The following ELFN2 variants were observed in gnomAD, a reference collection of about 807,000 sequenced individuals.
ELFN2 encodes the protein protein phosphatase 1 regulatory subunit 29.
Under a neutral mutation model 45.5 loss-of-function variants are expected in ELFN2, and 17 were observed. The observed-to-expected ratio is 0.37, with a 90% CI of 0.26 to 0.56. The LOEUF is 0.56. Among genes scored for constraint, ELFN2 ranks in the 20% least tolerant of loss-of-function variants. ELFN2 has a pLI of 0.77. For missense variants in ELFN2, 922 were observed against 1,183.2 expected (o/e 0.78, Z 3.24); for synonymous variants, 550 against 551.5 (o/e 1.00, Z 0.04).
chr22:37,380,974 C>T (rs1419189638), intron 2 of ELFN2, among the ~76,000 whole-genome samples: 4 of 152,134 alleles, frequency 2.6e-5, no homozygotes, highest in South Asian at 2.1e-4. Context: ...GGTAAGTTAA[C>T]TTTTTGGATT....
At chr22:37,412,508 A>G (rs1031743776) in intron 2 of ELFN2, among the ~76,000 whole-genome samples, 1 of 151,936 alleles carries the variant, frequency 6.6e-6, no homozygotes, top group African/African-American at 2.4e-5. Context: ...CTCTGCCCCA[A>G]GGGGCCAAGC....
chr22:37,381,246 G>A lies in ELFN2; in HGVS notation c.-462-5250C>T, dbSNP rs564263666. ...AGAAGACAGAGGCTCTCTCCTCCCC[G>A]GCTTCCCTCCAAAGGGCTGGGACCA... On this transcript the variant is annotated intron_variant, in intron 2 of 2. Coordinates refer to ENST00000402918, the MANE Select transcript of ELFN2 (RefSeq NM_052906.5). 5.3e-5 allele frequency among the ~76,000 whole-genome samples: 8 copies of A among 152,198 alleles called. No homozygotes were observed. In the East Asian group the frequency reaches 5.8e-4, roughly 11 times the overall value.
chr22:37,413,734 T>A (rs1932711493), intron 2 of ELFN2, among the ~76,000 whole-genome samples: 1 of 152,162 alleles, frequency 6.6e-6, no homozygotes, highest in Non-Finnish European at 1.5e-5. Context: ...AGTAGTTAGG[T>A]AATATGCCTG....
Position 37,387,485 on chromosome 22 carries a change from G to A in ELFN2, c.-462-11489C>T, listed in dbSNP as rs559914257. On this transcript the variant is annotated intron_variant, in intron 2 of 2. Transcript: ENST00000402918. ...CACCTTCCCCCTCTGTAGCCTCCTC[G>A]TCCTCCTCAGGAGGGTAAGGGACAG... Among the ~76,000 whole-genome samples the A allele has an allele frequency of 2.5e-4, 38 of 150,916 alleles. No homozygotes were observed. The South Asian group carries it at 2.9e-3, about 12-fold the overall frequency.
At chr22:37,394,060 C>T (rs4821662) in intron 2 of ELFN2, among the ~76,000 whole-genome samples, 31,005 of 152,134 alleles carry the variant, frequency 0.2, 3,451 homozygotes, top group South Asian at 0.38. Flanking sequence ...GCTGCCACCT[C>T]GTACAGATGC....
At chr22:37,401,668 G>GGCCACCGCCCTAGGAGGC in intron 2 of ELFN2, among the ~76,000 whole-genome samples, 1 of 152,190 alleles carries the variant, frequency 6.6e-6, no homozygotes, top group East Asian at 1.9e-4. Context: ...CGAGCCTGGG[G>GGCCACCGCCCTAGGAGGC]GCCACCGCCC....
In ELFN2 at chr22:37,357,535, A is replaced by T. The variant is rs972865591; in HGVS notation, n.149-14832T>A. 3.4e-4 allele frequency among the ~76,000 whole-genome samples: 52 copies of T among 152,116 alleles called. 2 individuals are homozygous for T. Among genetic ancestry groups the T allele is most frequent in the Admixed American group, 2.4e-3 (36 of 15,282 alleles). Reference sequence around the variant, plus strand: ...TTACTGATTTTTAGCCACACTTCTTATGGGGAACTCACTACACTTCCCAAA... The same window carrying T: ...TTACTGATTTTTAGCCACACTTCTTTTGGGGAACTCACTACACTTCCCAAA... On this transcript the variant is annotated intron_variant and non_coding_transcript_variant, in intron 1 of 2. Coordinates refer to ENST00000452946, the Ensembl canonical transcript of ELFN2.
intron 2 of ELFN2, among the ~76,000 whole-genome samples, chr22:37,386,357 C>T (rs1022656966): frequency 6.6e-6 from 1 of 152,188 alleles, no homozygotes; most frequent in Non-Finnish European, 1.5e-5. Flanking sequence ...GGGACACCTG[C>T]CTGCTACGCC....
chr22:37,369,063 G>A lies in ELFN2; in HGVS notation c.*4009C>T, dbSNP rs1156360737. 8 of 152,090 alleles carry A rather than the reference G, an allele frequency of 5.3e-5. No homozygotes were observed. In the East Asian group the frequency reaches 1.5e-3, roughly 29 times the overall value. The allele number at this position is 152,090 out of a possible 1,614,324, so 9.4% of individuals were successfully genotyped here. On this transcript the variant is annotated 3_prime_UTR_variant, in exon 3 of 3. Coordinates refer to ENST00000402918, the MANE Select transcript of ELFN2 (RefSeq NM_052906.5). ...GTGTCTTATCCCTTCCCTGCACTTA[G>A]GCCCCTTATAAGCTAGGACCTGTCA...
At chr22:37,387,223 C>T (rs1931971019) in intron 2 of ELFN2, among the ~76,000 whole-genome samples, 1 of 152,120 alleles carries the variant, frequency 6.6e-6, no homozygotes, top group Non-Finnish European at 1.5e-5. Context: ...ATAGCCTGCT[C>T]CCACCCCCAC....
intron 1 of ELFN2, among the ~76,000 whole-genome samples, chr22:37,423,348 C>G (rs965253969): frequency 6.6e-6 from 1 of 152,158 alleles, no homozygotes; most frequent in Non-Finnish European, 1.5e-5. Context: ...GTCACTGCAC[C>G]CATTTACAGA....
chr22:37,375,378 T>C lies in ELFN2; in HGVS notation c.157A>G (p.Ile53Val). The C allele has an allele frequency of 6.2e-7, 1 of 1,614,136 alleles. No individual in the cohort carries two copies. Residue 53 changes from isoleucine to valine, a missense_variant, in exon 3 of 3, where the codon ATC (isoleucine) becomes GTC (valine). Physicochemically the swap from Ile to Val is conservative, Grantham distance 29 (BLOSUM62 3). This residue lies in a region of ELFN2 where 358 missense variants were observed against 540.4 expected (regional missense o/e 0.66). Coordinates refer to ENST00000402918, the MANE Select transcript of ELFN2 (RefSeq NM_052906.5). ...QPPYETIPQHINSTVHDLRLN... is the reference protein window; with the variant it reads ...QPPYETIPQHVNSTVHDLRLN... ...CGCAGGTCGTGCACGGTGCTATTGATGTGCTGCGGGATGGTCTCGTAGGGC... is the reference window on the plus strand; with the variant it reads ...CGCAGGTCGTGCACGGTGCTATTGACGTGCTGCGGGATGGTCTCGTAGGGC...
At chr22:37,408,980 C>T (rs1932578615) in intron 2 of ELFN2, among the ~76,000 whole-genome samples, 1 of 152,214 alleles carries the variant, frequency 6.6e-6, no homozygotes, top group Admixed American at 6.5e-5. Context: ...AGAGACAGAG[C>T]TGCAATTCGA....
At chr22:37,361,339 T>A (rs189242950) in intron 1 of ELFN2, among the ~76,000 whole-genome samples, 3 of 134,790 alleles carry the variant, frequency 2.2e-5, no homozygotes, top group African/African-American at 8.4e-5. Flanking sequence ...CCCTCCTCCC[T>A]ACCCCCTTAT....
intron 1 of ELFN2, among the ~76,000 whole-genome samples, chr22:37,347,127 C>T (rs562512219): frequency 2.6e-5 from 4 of 152,104 alleles, no homozygotes; most frequent in Middle Eastern, 3.4e-3. Flanking sequence ...TTCAGGTGTG[C>T]GCCATTACGC....
chr22:37,403,391 C>T (rs918216678), intron 2 of ELFN2, among the ~76,000 whole-genome samples: 1 of 147,210 alleles, frequency 6.8e-6, no homozygotes, highest in Non-Finnish European at 1.5e-5. Context: ...TCCTAAGGGG[C>T]GGGGCCATGC....
chr22:37,415,506 G>A (rs1178232050), intron 2 of ELFN2, among the ~76,000 whole-genome samples: 1 of 152,226 alleles, frequency 6.6e-6, no homozygotes, highest in Admixed American at 6.5e-5. Flanking sequence ...CTATGTGCCT[G>A]TCAGAAGGCT....
intron 2 of ELFN2, among the ~76,000 whole-genome samples, chr22:37,380,625 G>C (rs1170256645): frequency 1.3e-5 from 2 of 152,154 alleles, no homozygotes; most frequent in Non-Finnish European, 2.9e-5. Flanking sequence ...TCTTCCCTGA[G>C]CCAGGCTGGC....
downstream of ELFN2, among the ~76,000 whole-genome samples, chr22:37,366,159 T>C (rs974032651): frequency 1.3e-5 from 2 of 152,198 alleles, no homozygotes; most frequent in African/African-American, 4.8e-5. Flanking sequence ...ATTTCCCTAA[T>C]TGCATTTGTA....
Sources: gnomAD v4.1 joint callset for allele counts (sites outside exome capture counted in the v4.1 genomes callset) on GRCh38, gnomAD v4.1.1 for gene constraint, gnomAD v4.1.1 regional missense constraint, MANE v1.5 for transcripts, NCBI Gene and HGNC (gene_info 2026-07-23, HGNC 2026-07-21) for gene names.